Variants in RIPOR2 observed in about 807,000 individuals in gnomAD.
RIPOR2 encodes the protein rho family-interacting cell polarization regulator 2.
In RIPOR2, 39 loss-of-function variants were observed where a neutral mutation model predicts 114.5. The ratio of observed to expected loss-of-function variants is 0.34; its 90% CI spans 0.26 to 0.44. The LOEUF is 0.44. Among genes scored for constraint, RIPOR2 ranks in the 20% least tolerant of loss-of-function variants. The probability of loss-of-function intolerance (pLI) is 1.00; values close to 1 mark genes in which losing one functional copy is unlikely to be tolerated. For synonymous variants in RIPOR2, 445 were observed against 484.4 expected, an observed-to-expected ratio of 0.92 and a Z score of 1.07; for missense variants, 1,007 against 1,255.1, an observed-to-expected ratio of 0.80 and a Z score of 2.99.
At position 24,809,731 on chromosome 6, in the gene RIPOR2, G is replaced by A; in HGVS notation, c.3029C>T (p.Thr1010Ile). The A allele has an allele frequency of 6.5e-7, 1 of 1,547,964 alleles. No individual in the cohort carries two copies. The highest frequency in any genetic ancestry group is 8.7e-7 in the Non-Finnish European group (1 of 1,143,586). ...ATAAAACTCACCCAGAGACAAGAGG[G>A]TTTCTGAGGCCACATTTCTGATTTC... ...TEEIRNVASE[T>I]LLSLGEDGRL... The change falls in exon 21 of 22, where the codon ACC becomes ATC. Residue 1010 changes from threonine to isoleucine, a missense_variant. Transcript: ENST00000643898.
chr6:25,040,190 A>G (rs1339600391), intron 1 of RIPOR2, among the ~76,000 whole-genome samples: 1 of 150,864 alleles, frequency 6.6e-6, no homozygotes, highest in Non-Finnish European at 1.5e-5. Context: ...ATCTCCGCTC[A>G]CTGCAATCTC....
chr6:24,984,350 G>A (rs931980261), intron 1 of RIPOR2, among the ~76,000 whole-genome samples: 1 of 152,064 alleles, frequency 6.6e-6, no homozygotes. Flanking sequence ...CATGTTTTGC[G>A]GGCAGGGGTG....
At chr6:24,871,285 A>T (rs1470205071) in intron 4 of RIPOR2, among the ~76,000 whole-genome samples, 1 of 152,268 alleles carries the variant, frequency 6.6e-6, no homozygotes. Context: ...TATAAAACAT[A>T]GCAGTGGCAT....
At chr6:24,810,164 A>G (rs184746333) in intron 20 of RIPOR2, among the ~76,000 whole-genome samples, 79 of 152,186 alleles carry the variant, frequency 5.2e-4, no homozygotes, top group Non-Finnish European at 6.8e-4. Context: ...CACTTTACCT[A>G]TGGGGTCAAA....
At chr6:24,945,041 T>C (rs1452229274) in intron 1 of RIPOR2, among the ~76,000 whole-genome samples, 2 of 152,078 alleles carry the variant, frequency 1.3e-5, no homozygotes, top group African/African-American at 4.8e-5. Context: ...AGAAAAGATA[T>C]ATGTTTGAAG....
rs190793373 is a variant in RIPOR2 at position 24,850,709 on chromosome 6, T to C, written c.773A>G (p.Tyr258Cys). 17 of 1,613,656 alleles carry C rather than the reference T, an allele frequency of 1.1e-5. No homozygotes were observed. Among genetic ancestry groups the C allele is most frequent in the Non-Finnish European group, 1.4e-5 (17 of 1,179,862 alleles). The change falls in exon 10 of 22, where the codon TAT becomes TGT. Residue 258 changes from tyrosine (Y) to cysteine (C), a missense_variant. Transcript: ENST00000643898. ...TTTCAGTTTCCACCGCTGCCGGCCATACTTCATGAAAATCTGGAGAGGAGA... is the reference window on the plus strand; with the variant it reads ...TTTCAGTTTCCACCGCTGCCGGCCACACTTCATGAAAATCTGGAGAGGAGA... ...PGDQYEIFMKYGRQRWKLKGK... is the reference protein window; with the variant it reads ...PGDQYEIFMKCGRQRWKLKGK...
chr6:24,914,142 C>CT (rs1769890220), intron 1 of RIPOR2, among the ~76,000 whole-genome samples: 1 of 152,080 alleles, frequency 6.6e-6, no homozygotes, highest in African/African-American at 2.4e-5. Flanking sequence ...TGAGACCAGC[C>CT]TGGCCAAAAT....
In RIPOR2 at chr6:24,828,277, G is replaced by T. The variant is rs887249813; in HGVS notation, c.2525C>A (p.Ser842Tyr). Residue 842 changes from serine (S) to tyrosine (Y), a missense_variant, in exon 18 of 22, where the codon TCC becomes TAC. By Grantham distance (144) the Ser-to-Tyr change is moderately radical (BLOSUM62 -2). Transcript: ENST00000643898. ...LADPVFRTLV[S>Y]QILDRAEPLL... ...AGGCTCAGCCCGGTCCAGAATTTGG[G>T]ACACCAGGGTTCGAAACACTATTCG... 3 of 1,547,988 alleles carry T rather than the reference G, an allele frequency of 1.9e-6. No individual in the cohort carries two copies. Among genetic ancestry groups the T allele is most frequent in the Non-Finnish European group, 2.6e-6 (3 of 1,144,936 alleles).
chr6:24,808,762 CT>C lies in RIPOR2; in HGVS notation c.3043+954del, dbSNP rs10587871. On this transcript the variant is annotated intron_variant, in intron 21 of 21. Transcript: ENST00000643898. ...TTATAATAATTATTTATACTTTTTT[CT>C]TTTTTTTTTTTTTTGAGACAGAGTC... Among the ~76,000 whole-genome samples, 623 of 128,012 alleles carry C rather than the reference CT, an allele frequency of 4.9e-3. 4 individuals are homozygous for C. The highest frequency in any genetic ancestry group is 0.012 in the African/African-American group (420 of 36,302). 84.0% of individuals were successfully genotyped at this position (128,012 alleles called of 152,430 possible).
chr6:25,040,486 T>G lies in RIPOR2; in HGVS notation c.76+1365A>C, dbSNP rs181295585. On this transcript the variant is annotated intron_variant, in intron 1 of 13. Coordinates refer to the RIPOR2 transcript ENST00000510784. The stretch of plus-strand genomic sequence containing the variant: ...GGGCTTGGCTACTGGTGGTCCACAG[T>G]TGTCACACGTTGCCTCAGAACATTG... Among the ~76,000 whole-genome samples the G allele has an allele frequency of 2.2e-4, 33 of 152,276 alleles. 1 individual carries two copies. The East Asian group carries it at 6.2e-3, about 28-fold the overall frequency.
chr6:24,839,205 CT>C lies in RIPOR2; in HGVS notation c.1924del (p.Ser642AlafsTer5). On this transcript the variant is annotated frameshift_variant, in exon 14 of 22. Transcript: ENST00000643898. LOFTEE classifies it high-confidence loss of function. ...ATCAGAGGTGTTCAGGAAATCAAAG[CT>C]TTCTAAAGCACTTTCAACTGTGAGA... Reference protein sequence around the residue: ...LSLTVESALESFDFLNTSDFD... With the variant: ...LSLTVESALEXFDFLNTSDFD... The C allele has an allele frequency of 6.4e-7, 1 of 1,551,834 alleles. No homozygotes were observed. The highest frequency in any genetic ancestry group is 8.7e-7 in the Non-Finnish European group (1 of 1,147,012).
chr6:24,972,928 G>T (rs941490784), intron 1 of RIPOR2, among the ~76,000 whole-genome samples: 2 of 152,180 alleles, frequency 1.3e-5, no homozygotes, highest in African/African-American at 4.8e-5. Context: ...TATAGAAAAC[G>T]TCTGTTAATG....
intron 12 of RIPOR2, among the ~76,000 whole-genome samples, chr6:24,846,388 C>T (rs963648448): frequency 6.7e-6 from 1 of 148,376 alleles, no homozygotes; most frequent in African/African-American, 2.5e-5. Context: ...CTCACTGCAG[C>T]CTCAACCTCC....
chr6:25,014,158 ATGT>A (rs1181330945), intron 1 of RIPOR2, among the ~76,000 whole-genome samples: 6 of 152,220 alleles, frequency 3.9e-5, no homozygotes, highest in Admixed American at 3.9e-4. Flanking sequence ...CTTAGAATTA[ATGT>A]TGTCAAATTT....
intron 1 of RIPOR2, among the ~76,000 whole-genome samples, chr6:24,881,286 A>G (rs1322327268): frequency 6.6e-6 from 1 of 152,178 alleles, no homozygotes; most frequent in Admixed American, 6.5e-5. Context: ...GTCTTTTGGA[A>G]AATTCCAGCA....
chr6:24,825,165 G>T, intron 19 of RIPOR2, 61 bp downstream of exon 19: 1 of 1,156,962 alleles, frequency 8.6e-7, no homozygotes, highest in Non-Finnish European at 1.2e-6. Flanking sequence ...TAAAATATTA[G>T]TAGTAAATGA....
intron 1 of RIPOR2, among the ~76,000 whole-genome samples, chr6:25,009,562 C>T (rs867822196): frequency 1.1e-4 from 16 of 152,154 alleles, no homozygotes; most frequent in African/African-American, 3.9e-4. Context: ...CCACAAAGCT[C>T]GTTACCACCC....
chr6:24,971,251 T>C (rs1302949442), intron 1 of RIPOR2, among the ~76,000 whole-genome samples: 1 of 152,214 alleles, frequency 6.6e-6, no homozygotes, highest in African/African-American at 2.4e-5. Flanking sequence ...CAAGGCAGCC[T>C]GCCATCATTG....
At chr6:24,942,743 C>T (rs1772203431) in intron 1 of RIPOR2, among the ~76,000 whole-genome samples, 1 of 152,100 alleles carries the variant, frequency 6.6e-6, no homozygotes, top group South Asian at 2.1e-4. Flanking sequence ...ATCCTTTGCC[C>T]ACTTTTTGAT....
Sources: allele counts gnomAD v4.1 joint callset (sites outside exome capture counted in the v4.1 genomes callset), GRCh38; gene constraint gnomAD v4.1.1; transcripts MANE v1.5; gene names NCBI Gene and HGNC (gene_info 2026-07-23, HGNC 2026-07-21).